PNPLA8: variants seen among roughly 807,000 people sequenced by gnomAD.
The protein encoded by PNPLA8 is calcium-independent phospholipase A2-gamma.
PNPLA8 carries 39 observed loss-of-function variants against 76.9 expected under a neutral mutation model. That is an observed-to-expected ratio of 0.51 (90% confidence interval 0.39 to 0.66). The LOEUF is 0.66. PNPLA8 is among the 30% of genes least tolerant of loss of function. The pLI, the probability that PNPLA8 is intolerant of heterozygous loss-of-function variation, is 0.00. For synonymous variants in PNPLA8, 301 were observed against 307.9 expected (o/e 0.98, Z 0.24); for missense variants, 887 against 918.0 (o/e 0.97, Z 0.44).
At chr7:108,499,702 C>G (rs1861807978) in intron 5 of PNPLA8, among the ~76,000 whole-genome samples, 1 of 152,190 alleles carries the variant, frequency 6.6e-6, no homozygotes, top group African/African-American at 2.4e-5. Flanking sequence ...CTTTAGGGAG[C>G]AAAATCACCT....
At position 108,470,638 on chromosome 7, in the gene PNPLA8, ATTTG is replaced by A. The variant is rs1421310461; in HGVS notation, c.*1759_*1762del. On this transcript the variant is annotated 3_prime_UTR_variant, in exon 11 of 11. Coordinates refer to ENST00000257694, the MANE Select transcript of PNPLA8 (RefSeq NM_001256007.3). ...CCCAGAAATATTCTGATTTCCAATT[ATTTG>A]TTTTTTTCTTGCATTTACAAGTTGT... The A allele has an allele frequency of 1.3e-5, 2 of 151,974 alleles. No individual in the cohort carries two copies. Among genetic ancestry groups the A allele is most frequent in the Non-Finnish European group, 2.9e-5 (2 of 67,974 alleles). The allele number at this position is 151,974 out of a possible 1,614,324, so 9.4% of individuals were successfully genotyped here. A position where few individuals can be genotyped will look rare whatever the true frequency, so the allele number is the denominator to read the frequency against.
chr7:108,498,301 C>T (rs1425486264), intron 5 of PNPLA8, among the ~76,000 whole-genome samples: 1 of 151,618 alleles, frequency 6.6e-6, no homozygotes, highest in Non-Finnish European at 1.5e-5. Flanking sequence ...GAGTCTCACT[C>T]TGTTGCCCAG....
intron 7 of PNPLA8, among the ~76,000 whole-genome samples, chr7:108,494,791 T>C (rs1861440055): frequency 6.6e-6 from 1 of 152,192 alleles, no homozygotes; most frequent in African/African-American, 2.4e-5. Context: ...GGAAAAGATT[T>C]GGCTAAATGA....
At chr7:108,478,343 T>C (rs1363817421) in intron 10 of PNPLA8, among the ~76,000 whole-genome samples, 3 of 152,020 alleles carry the variant, frequency 2.0e-5, no homozygotes, top group Non-Finnish European at 4.4e-5. Context: ...GTAGAGAAGG[T>C]ACACACTTGA....
intron 4 of PNPLA8, among the ~76,000 whole-genome samples, chr7:108,505,325 TATATATATATATATATA>T (rs1862288520): frequency 4.4e-4 from 4 of 9,194 alleles, no homozygotes; most frequent in African/African-American, 1.5e-3. Context: ...TATATATATA[TATATATATATATATATA>T]TATATATATA....
chr7:108,489,203 C>T (rs759541863), intron 8 of PNPLA8, among the ~76,000 whole-genome samples: 3 of 152,202 alleles, frequency 2.0e-5, no homozygotes, highest in Non-Finnish European at 4.4e-5. Context: ...TACAGGGGAA[C>T]AAGCAAGAAG....
At chr7:108,487,455 CT>C (rs1598886978) in intron 9 of PNPLA8, among the ~76,000 whole-genome samples, 1 of 152,256 alleles carries the variant, frequency 6.6e-6, no homozygotes, top group East Asian at 1.9e-4. Flanking sequence ...ATCGTTTTTA[CT>C]TTTTATCATG....
chr7:108,510,792 A>G, intron 4 of PNPLA8: 2 of 1,601,520 alleles, frequency 1.2e-6, no homozygotes, highest in Non-Finnish European at 1.7e-6. Flanking sequence ...ATCTGCATGG[A>G]GGATCTGATT....
At chr7:108,504,168 A>G (rs997877087) in intron 4 of PNPLA8, among the ~76,000 whole-genome samples, 1 of 152,216 alleles carries the variant, frequency 6.6e-6, no homozygotes, top group Non-Finnish European at 1.5e-5. Context: ...CTCAAATGCC[A>G]AACAGAAGAA....
chr7:108,498,884 T>A (rs1861748174), intron 5 of PNPLA8, among the ~76,000 whole-genome samples: 1 of 152,076 alleles, frequency 6.6e-6, no homozygotes. Context: ...GGTAGGTAAG[T>A]CCTGGAACAC....
At chr7:108,500,681 G>A (rs553616996) in intron 5 of PNPLA8, among the ~76,000 whole-genome samples, 94 of 152,184 alleles carry the variant, frequency 6.2e-4, no homozygotes, top group African/African-American at 1.5e-3. Context: ...AGGCCAAGGC[G>A]GGTGGATCAC....
At chr7:108,510,764 C>G in intron 4 of PNPLA8, 1 of 1,601,864 alleles carries the variant, frequency 6.2e-7, no homozygotes, top group East Asian at 2.2e-5. Flanking sequence ...TGCTCGATCT[C>G]TTGGTAAATA....
chr7:108,515,007 T>C lies in PNPLA8; in HGVS notation c.485A>G (p.Asp162Gly), dbSNP rs1863216550. The C allele has an allele frequency of 6.2e-7, 1 of 1,607,792 alleles. No homozygotes were observed. Among genetic ancestry groups the C allele is most frequent in the Non-Finnish European group, 8.5e-7 (1 of 1,179,736 alleles). The change falls in exon 3 of 11, where the codon GAC (aspartate) becomes GGC (glycine). Residue 162 changes from aspartate to glycine, a missense_variant. Coordinates refer to ENST00000257694, the MANE Select transcript of PNPLA8 (RefSeq NM_001256007.3). ...AAAAGGACTCTTTTCTGCTGATTTG[T>C]CACTATATTTTTTCAGAGATTTGAT... The part of the protein sequence containing the change: ...QAIKSLKKYS[D>G]KSAEKSPFPE...
In PNPLA8 at chr7:108,515,566, T is replaced by C. The variant is rs904244480; in HGVS notation, c.-75A>G. On this transcript the variant is annotated 5_prime_UTR_variant, in exon 3 of 11. The change abolishes an upstream ATG in the 5' untranslated region. Transcript: ENST00000257694. Reference sequence around the variant, plus strand: ...TTCATTTAAGAAATGCCATAATTCATGGTCTTACCTGAAATGGCAAGAAAA... The same window carrying C: ...TTCATTTAAGAAATGCCATAATTCACGGTCTTACCTGAAATGGCAAGAAAA... 8 of 1,283,896 alleles carry C rather than the reference T, an allele frequency of 6.2e-6. No homozygotes were observed. Among genetic ancestry groups the C allele is most frequent in the Admixed American group, 3.5e-5 (1 of 28,268 alleles). 79.5% of individuals were successfully genotyped at this position (1,283,896 alleles called of 1,614,324 possible).
rs1294100225 is a variant in PNPLA8 at position 108,526,083 on chromosome 7, A to ACGGCG, written c.-185_-184insCGCCG. 1.1e-5 allele frequency: 11 copies of ACGGCG among 985,566 alleles called. No individual in the cohort carries two copies. The highest frequency in any genetic ancestry group is 1.3e-5 in the Non-Finnish European group (11 of 830,070). 61.1% of individuals were successfully genotyped at this position (985,566 alleles called of 1,614,324 possible). A position where few individuals can be genotyped will look rare whatever the true frequency, so the allele number is the denominator to read the frequency against. ...CAGCGGCGACTCGCTCGTTCCCGGC[A>ACGGCG]ATGACGTCCACTCCAACCGGCCTGC... On this transcript the variant is annotated 5_prime_UTR_variant, in exon 1 of 11. An upstream open reading frame in the 5' UTR gains an earlier in-frame stop. Coordinates refer to ENST00000257694, the MANE Select transcript of PNPLA8 (RefSeq NM_001256007.3).
At chr7:108,513,389 AT>A (rs1167633064) in intron 4 of PNPLA8, among the ~76,000 whole-genome samples, 4 of 152,032 alleles carry the variant, frequency 2.6e-5, no homozygotes, top group African/African-American at 9.7e-5. Flanking sequence ...TTCAAAGACA[AT>A]TTTTCAACAA....
At chr7:108,502,705 T>A in intron 4 of PNPLA8, 63 bp from the exon 5 acceptor site, 1 of 1,229,578 alleles carries the variant, frequency 8.1e-7, no homozygotes, top group Non-Finnish European at 1.2e-6. Flanking sequence ...TGTATGATTA[T>A]TATTAACCAA....
At chr7:108,507,365 A>AAC (rs1554686181) in intron 4 of PNPLA8, among the ~76,000 whole-genome samples, 10 of 150,182 alleles carry the variant, frequency 6.7e-5, no homozygotes, top group Non-Finnish European at 1.5e-4. Flanking sequence ...AAAAAAAAAA[A>AAC]AGAAACAGGC....
chr7:108,491,335 T>A, intron 8 of PNPLA8, 75 bp downstream of exon 8: 1 of 831,964 alleles, frequency 1.2e-6, no homozygotes, highest in Non-Finnish European at 2.0e-6. Context: ...TAAAATAAAA[T>A]GGCCCTCAGG....
Sources: gnomAD v4.1 joint callset for allele counts (sites outside exome capture counted in the v4.1 genomes callset) on GRCh38, gnomAD v4.1.1 for gene constraint, MANE v1.5 for transcripts, NCBI Gene and HGNC (gene_info 2026-07-23, HGNC 2026-07-21) for gene names.